EPHA6: variants seen among roughly 807,000 people sequenced by gnomAD.
EPHA6 encodes the protein EPH receptor A6, also known as ephrin type-A receptor 6.
A neutral mutation model predicts 112.0 loss-of-function variants in EPHA6; 50 were observed. That is an observed-to-expected ratio of 0.45 (90% CI 0.36 to 0.56). The LOEUF is 0.56. Ranked by LOEUF, EPHA6 falls within the 20% of genes least tolerant of loss-of-function variation. The pLI is 0.00. For missense variants in EPHA6, 1,280 were observed against 1,417.4 expected (o/e 0.90, Z 1.56); for synonymous variants, 529 against 490.7 (o/e 1.08, Z -1.03).
intron 3 of EPHA6, among the ~76,000 whole-genome samples, chr3:97,023,959 C>A (rs942014534): frequency 1.3e-5 from 2 of 152,084 alleles, no homozygotes; most frequent in African/African-American, 4.8e-5. Flanking sequence ...AAGGCTTATT[C>A]CTCACAGAAT....
At chr3:97,004,005 G>A (rs989797889) in intron 3 of EPHA6, among the ~76,000 whole-genome samples, 2 of 152,052 alleles carry the variant, frequency 1.3e-5, no homozygotes, top group South Asian at 2.1e-4. Context: ...GTATTCCATG[G>A]TGTATATAGA....
intron 14 of EPHA6, among the ~76,000 whole-genome samples, chr3:97,651,639 G>A (rs760011740): frequency 3.9e-5 from 6 of 151,988 alleles, no homozygotes; most frequent in East Asian, 1.9e-4. Context: ...CTGTTTGTTC[G>A]TGTGTTAGCA....
rs2107498108 is a variant in EPHA6, at chr3:97,483,918, GTTA to G, written c.2075-13_2075-11del. 6.3e-7 allele frequency: 1 copy of G among 1,586,190 alleles called. No homozygotes were observed. Among genetic ancestry groups the G allele is most frequent in the Non-Finnish European group, 8.6e-7 (1 of 1,168,326 alleles). ...ATACTCAAACTAAATCAATCGTTTT[GTTA>G]TTGTTGTTGCAGTGCGCTTCCCGGG... is the stretch of plus-strand genomic sequence containing the variant. On this transcript the variant is annotated splice_polypyrimidine_tract_variant and intron_variant, in intron 9 of 17. Coordinates refer to ENST00000389672, the MANE Select transcript of EPHA6 (RefSeq NM_001080448.3).
chr3:97,408,301 C>T (rs1405266195), intron 6 of EPHA6, among the ~76,000 whole-genome samples: 1 of 151,986 alleles, frequency 6.6e-6, no homozygotes, highest in Non-Finnish European at 1.5e-5. Context: ...AATCCTAGCA[C>T]TTTGGGAGGA....
At chr3:96,962,334 A>G (rs746097045) in intron 2 of EPHA6, among the ~76,000 whole-genome samples, 3 of 151,868 alleles carry the variant, frequency 2.0e-5, no homozygotes, top group Non-Finnish European at 4.4e-5. Flanking sequence ...TCTAAAGCAG[A>G]AATGTAACAT....
chr3:97,759,052 C>A lies in EPHA6; in HGVS notation c.*10351C>A, dbSNP rs1444374642. On this transcript the variant is annotated 3_prime_UTR_variant, in exon 18 of 18. Coordinates refer to ENST00000389672, the MANE Select transcript of EPHA6 (RefSeq NM_001080448.3). ...GCCTGTGGAGGTAGGCCTAGGATTG[C>A]ACTATATGCTATTCCAATGTTTAAT... Among the ~76,000 whole-genome samples, 1 of 151,922 alleles carries A rather than the reference C, an allele frequency of 6.6e-6. No individual in the cohort carries two copies. The highest frequency in any genetic ancestry group is 1.5e-5 in the Non-Finnish European group (1 of 67,884).
intron 5 of EPHA6, among the ~76,000 whole-genome samples, chr3:97,288,371 A>T (rs1017226815): frequency 6.6e-6 from 1 of 152,232 alleles, no homozygotes; most frequent in Non-Finnish European, 1.5e-5. Context: ...TTCACTTAGG[A>T]TAATGGCCTC....
At chr3:97,188,993 ATT>A (rs1013424745) in intron 3 of EPHA6, among the ~76,000 whole-genome samples, 10 of 151,814 alleles carry the variant, frequency 6.6e-5, no homozygotes, top group African/African-American at 2.4e-4. Context: ...ATATTTTATA[ATT>A]TTATATTATC....
intron 5 of EPHA6, among the ~76,000 whole-genome samples, chr3:97,340,100 T>C (rs181370961): frequency 6.6e-6 from 1 of 152,252 alleles, no homozygotes; most frequent in African/African-American, 2.4e-5. Flanking sequence ...TATAGTCTAT[T>C]AAGGACAGGT....
chr3:97,110,765 G>A (rs1017832025), intron 3 of EPHA6, among the ~76,000 whole-genome samples: 5 of 151,958 alleles, frequency 3.3e-5, no homozygotes, highest in African/African-American at 9.7e-5. Flanking sequence ...CTCACCTCAA[G>A]TGATCCACCT....
chr3:96,993,596 G>A (rs567381317), intron 3 of EPHA6, among the ~76,000 whole-genome samples: 1 of 152,046 alleles, frequency 6.6e-6, no homozygotes, highest in Non-Finnish European at 1.5e-5. Context: ...ACTTTGAAAT[G>A]CTTCAATGTT....
chr3:96,936,642 G>T (rs1256893946), intron 2 of EPHA6, among the ~76,000 whole-genome samples: 13 of 151,420 alleles, frequency 8.6e-5, no homozygotes, highest in Non-Finnish European at 1.5e-5. Context: ...AAGTTTTAGG[G>T]TACATGTGCA....
At chr3:97,724,750 CT>C (rs760478229) in intron 15 of EPHA6, among the ~76,000 whole-genome samples, 163 of 148,022 alleles carry the variant, frequency 1.1e-3, no homozygotes, top group African/African-American at 3.4e-3. Context: ...AGTCCGGTAT[CT>C]TTTTTTTTTA....
chr3:97,341,361 CTT>C (rs1193529314), intron 5 of EPHA6, among the ~76,000 whole-genome samples: 2 of 144,944 alleles, frequency 1.4e-5, no homozygotes, highest in Admixed American at 6.9e-5. Flanking sequence ...CTTTTCTTTC[CTT>C]TTTTTTTTTT....
chr3:96,851,685 T>C (rs1389237046), intron 1 of EPHA6, among the ~76,000 whole-genome samples: 5 of 152,132 alleles, frequency 3.3e-5, no homozygotes, highest in Non-Finnish European at 7.4e-5. Flanking sequence ...ACAGGCACTG[T>C]CATTTAAGCT....
At chr3:97,725,836 A>T (rs543672493) in intron 15 of EPHA6, among the ~76,000 whole-genome samples, 4 of 152,188 alleles carry the variant, frequency 2.6e-5, no homozygotes, top group African/African-American at 7.2e-5. Context: ...AATCACCCCC[A>T]GTTAAGAGCC....
chr3:97,400,013 C>T (rs1184253438), intron 5 of EPHA6, among the ~76,000 whole-genome samples: 2 of 151,408 alleles, frequency 1.3e-5, no homozygotes, highest in African/African-American at 2.4e-5. Context: ...AAAATGATTG[C>T]CTGGACTAAT....
Position 97,759,969 on chromosome 3 carries a change from T to G in EPHA6, c.*11268T>G, listed in dbSNP as rs1301780048. On this transcript the variant is annotated 3_prime_UTR_variant, in exon 18 of 18. Coordinates refer to ENST00000389672, the MANE Select transcript of EPHA6 (RefSeq NM_001080448.3). ...ATTGAGAACTTCTCAATGCCATAAA[T>G]ACTGTTTTCCTTATTTTCATCTATT... 2 of 191,284 alleles carry G rather than the reference T, an allele frequency of 1.0e-5. No individual in the cohort carries two copies. 11.8% of individuals were successfully genotyped at this position (191,284 alleles called of 1,614,324 possible).
At chr3:97,025,804 G>T (rs2044617855) in intron 3 of EPHA6, among the ~76,000 whole-genome samples, 1 of 152,026 alleles carries the variant, frequency 6.6e-6, no homozygotes, top group African/African-American at 2.4e-5. Flanking sequence ...GACCAGGATG[G>T]TCTCGATCTC....
Sources: allele counts gnomAD v4.1 joint callset (sites outside exome capture counted in the v4.1 genomes callset), GRCh38; gene constraint gnomAD v4.1.1; transcripts MANE v1.5; gene names NCBI Gene and HGNC (gene_info 2026-07-23, HGNC 2026-07-21).